IPP: variants seen among roughly 807,000 people sequenced by gnomAD.
IPP encodes the protein intracisternal A particle-promoted polypeptide.
A neutral mutation model predicts 64.1 loss-of-function variants in IPP; 41 were observed. That is an observed-to-expected ratio of 0.64 (90% confidence interval 0.50 to 0.83). IPP has a LOEUF of 0.83. Among genes scored for constraint, IPP ranks in the 40% least tolerant of loss-of-function variants. The probability of loss-of-function intolerance (pLI) is 0.00; values close to 1 mark genes in which losing one functional copy is unlikely to be tolerated. For synonymous variants in IPP, 214 were observed against 235.2 expected (o/e 0.91, Z 0.83); for missense variants, 649 against 703.0 (o/e 0.92, Z 0.87).
intron 8 of IPP, among the ~76,000 whole-genome samples, chr1:45,713,560 C>A (rs1377461730): frequency 3.4e-5 from 5 of 148,028 alleles, no homozygotes; most frequent in African/African-American, 2.5e-5. Flanking sequence ...AACTCCGTCT[C>A]AAAAAAAAAA....
chr1:45,730,560 A>G (rs1645893198), intron 3 of IPP, among the ~76,000 whole-genome samples: 1 of 152,228 alleles, frequency 6.6e-6, no homozygotes, highest in Non-Finnish European at 1.5e-5. Flanking sequence ...ACCATATCCT[A>G]AAAGGATTAT....
At chr1:45,698,704 A>G, downstream of IPP, 1 of 930,172 alleles carries the variant, frequency 1.1e-6, no homozygotes, top group African/African-American at 2.0e-5. Context: ...CAAAAAAGGA[A>G]GAATTTTTTT....
At position 45,725,183 on chromosome 1, in the gene IPP, G is replaced by A. The variant is rs1489758957; in HGVS notation, c.1048+2448C>T. Among the ~76,000 whole-genome samples the A allele has an allele frequency of 3.8e-3, 496 of 131,064 alleles. 4 individuals are homozygous for A. The highest frequency in any genetic ancestry group is 0.014 in the African/African-American group (460 of 33,776). The allele number at this position is 131,064 out of a possible 152,430, so 86.0% of individuals were successfully genotyped here. A position where few individuals can be genotyped will look rare whatever the true frequency, so the allele number is the denominator to read the frequency against. On this transcript the variant is annotated intron_variant, in intron 5 of 8. Transcript: ENST00000396478. Reference sequence around the variant, plus strand: ...GGGGTGGGGGGTCAGCCCCCCGCCCGGCCAGCCGCCCCGTCCGGGAGGGAG... The same window carrying A: ...GGGGTGGGGGGTCAGCCCCCCGCCCAGCCAGCCGCCCCGTCCGGGAGGGAG...
At chr1:45,717,300 C>T (rs1188659060) in intron 6 of IPP, among the ~76,000 whole-genome samples, 1 of 138,932 alleles carries the variant, frequency 7.2e-6, no homozygotes. Context: ...CAAAACAAAA[C>T]AACAAAAGCC....
At chr1:45,701,429 A>G (rs896822082) in intron 8 of IPP, among the ~76,000 whole-genome samples, 15 of 152,206 alleles carry the variant, frequency 9.9e-5, no homozygotes, top group African/African-American at 3.6e-4. Context: ...CTGGGATTAC[A>G]GGAACCCGCC....
intron 8 of IPP, among the ~76,000 whole-genome samples, chr1:45,704,813 G>A (rs1645496403): frequency 6.6e-6 from 1 of 152,176 alleles, no homozygotes; most frequent in Non-Finnish European, 1.5e-5. Context: ...ACAGGGAAGA[G>A]GCGAAAGCAA....
At chr1:45,725,349 C>A (rs1308620723) in intron 5 of IPP, among the ~76,000 whole-genome samples, 1 of 138,284 alleles carries the variant, frequency 7.2e-6, no homozygotes, top group African/African-American at 2.7e-5. Context: ...GGGGTGTCAG[C>A]CCCCCGCCCG....
At chr1:45,716,174 G>A (rs543543415) in intron 7 of IPP, among the ~76,000 whole-genome samples, 1 of 152,242 alleles carries the variant, frequency 6.6e-6, no homozygotes, top group Admixed American at 6.5e-5. Flanking sequence ...AGGATTATAT[G>A]TTATGTGAGC....
chr1:45,730,357 TAA>T (rs35622578), intron 3 of IPP, among the ~76,000 whole-genome samples: 3 of 106,274 alleles, frequency 2.8e-5, no homozygotes, highest in Non-Finnish European at 2.1e-5. Context: ...GTCTCAAAAA[TAA>T]AAAAAAAAAA....
intron 1 of IPP, among the ~76,000 whole-genome samples, chr1:45,749,529 T>TG (rs1296903770): frequency 8.2e-5 from 12 of 146,614 alleles, no homozygotes; most frequent in South Asian, 2.2e-4. Context: ...TTTTTTGTTT[T>TG]TTTTTTTTTG....
At chr1:45,713,839 G>A (rs778717838) in intron 8 of IPP, among the ~76,000 whole-genome samples, 10 of 152,070 alleles carry the variant, frequency 6.6e-5, no homozygotes, top group Non-Finnish European at 1.0e-4. Context: ...GATTACAGGC[G>A]TGGGCCACCA....
chr1:45,726,610 C>T (rs1396917889), intron 5 of IPP, among the ~76,000 whole-genome samples: 1 of 151,868 alleles, frequency 6.6e-6, no homozygotes, highest in Non-Finnish European at 1.5e-5. Flanking sequence ...ATTTTGTTGA[C>T]TTGGTTTTTA....
At chr1:45,707,839 C>T (rs1376814140) in intron 8 of IPP, among the ~76,000 whole-genome samples, 1 of 151,942 alleles carries the variant, frequency 6.6e-6, no homozygotes, top group East Asian at 1.9e-4. Flanking sequence ...TATAATCCCA[C>T]AGATTCAAGA....
intron 3 of IPP, among the ~76,000 whole-genome samples, chr1:45,735,209 G>GAGTAGCAGGGACTACAGGCACATGCC (rs1229284127): frequency 2.0e-5 from 3 of 151,024 alleles, no homozygotes; most frequent in African/African-American, 7.3e-5. Flanking sequence ...TCAGCCTCCA[G>GAGTAGCAGGGACTACAGGCACATGCC]AGTAGCAGGG....
intron 2 of IPP, 84 bp from the exon 3 acceptor site, chr1:45,741,416 C>A: frequency 1.0e-6 from 1 of 963,134 alleles, no homozygotes. Context: ...TACTTGATTT[C>A]ACTGATAGTT....
At chr1:45,695,780 C>T (rs1645382118), downstream of IPP, among the ~76,000 whole-genome samples, 1 of 152,126 alleles carries the variant, frequency 6.6e-6, no homozygotes, top group South Asian at 2.1e-4. Flanking sequence ...AGCGATTCTC[C>T]TGCCTCAGCC....
At chr1:45,748,865 G>A (rs1463316465) in intron 1 of IPP, among the ~76,000 whole-genome samples, 1 of 151,640 alleles carries the variant, frequency 6.6e-6, no homozygotes, top group African/African-American at 2.4e-5. Flanking sequence ...CCAGTGACGT[G>A]GGCGGCTGAG....
chr1:45,697,145 G>C (rs1339794491), downstream of IPP: 1 of 152,182 alleles, frequency 6.6e-6, no homozygotes, highest in African/African-American at 2.4e-5. Context: ...GGATGCCCCA[G>C]AGAAGGGAAC....
chr1:45,749,687 A>AT (rs1367876879), intron 1 of IPP, among the ~76,000 whole-genome samples: 1 of 150,518 alleles, frequency 6.6e-6, no homozygotes, highest in African/African-American at 2.4e-5. Flanking sequence ...CGCCCGGCTA[A>AT]TTTTTTGCAT....
Sources: gnomAD v4.1 joint callset for allele counts (sites outside exome capture counted in the v4.1 genomes callset) on GRCh38, gnomAD v4.1.1 for gene constraint, MANE v1.5 for transcripts, NCBI Gene and HGNC (gene_info 2026-07-23, HGNC 2026-07-21) for gene names.